ETV6: variants seen among roughly 807,000 people sequenced by gnomAD.
The protein encoded by ETV6 is ETS variant transcription factor 6.
ETV6 carries 16 observed loss-of-function variants against 51.1 expected under a neutral mutation model. That is an observed-to-expected ratio of 0.31 (90% CI 0.21 to 0.48). The LOEUF (loss-of-function observed/expected upper bound fraction) is 0.48, where lower values mean the gene tolerates loss of function less well. ETV6 is among the 20% of genes least tolerant of loss of function. ETV6 has a pLI of 0.99. For missense variants in ETV6, 458 were observed against 594.8 expected, an observed-to-expected ratio of 0.77 and a Z score of 2.39; for synonymous variants, 240 against 224.1, an observed-to-expected ratio of 1.07 and a Z score of -0.64.
At chr12:11,799,067 G>A (rs796102708) in intron 2 of ETV6, among the ~76,000 whole-genome samples, 36 of 152,330 alleles carry the variant, frequency 2.4e-4, no homozygotes, top group African/African-American at 7.9e-4. Context: ...TTCCTGTGGA[G>A]GAGTGCATTG....
At chr12:11,842,407 T>TACACACACACACACACACAC (rs6144615) in intron 3 of ETV6, among the ~76,000 whole-genome samples, 40 of 147,952 alleles carry the variant, frequency 2.7e-4, no homozygotes, top group South Asian at 1.3e-3. Flanking sequence ...TTGACACAGA[T>TACACACACACACACACACAC]ACACACACAC....
chr12:11,768,127 C>CTT (rs111944987), intron 2 of ETV6, among the ~76,000 whole-genome samples: 3 of 146,196 alleles, frequency 2.1e-5, no homozygotes, highest in South Asian at 2.2e-4. Flanking sequence ...TAATTTGATT[C>CTT]TTTTTTTTTT....
At chr12:11,827,833 G>A (rs1946181807) in intron 2 of ETV6, among the ~76,000 whole-genome samples, 1 of 152,174 alleles carries the variant, frequency 6.6e-6, no homozygotes, top group South Asian at 2.1e-4. Flanking sequence ...TCCGTGTGCG[G>A]TTTAAAAGAG....
intron 2 of ETV6, among the ~76,000 whole-genome samples, chr12:11,773,617 G>A (rs925043161): frequency 1.3e-5 from 2 of 152,246 alleles, no homozygotes; most frequent in Admixed American, 1.3e-4. Context: ...CCATGGCTCA[G>A]TCCAAGGTGT....
At chr12:11,729,768 C>A (rs1246404451) in intron 1 of ETV6, among the ~76,000 whole-genome samples, 1 of 152,200 alleles carries the variant, frequency 6.6e-6, no homozygotes, top group African/African-American at 2.4e-5. Flanking sequence ...CTCAACAAAA[C>A]AACCGTATCT....
At chr12:11,859,847 G>A (rs1158195358) in intron 4 of ETV6, among the ~76,000 whole-genome samples, 3 of 152,234 alleles carry the variant, frequency 2.0e-5, no homozygotes, top group Admixed American at 6.5e-5. Flanking sequence ...GGGCTACAGT[G>A]TGTGGCAGGT....
chr12:11,779,231 G>A (rs1945377569), intron 2 of ETV6, among the ~76,000 whole-genome samples: 1 of 152,152 alleles, frequency 6.6e-6, no homozygotes. Context: ...TTTTAGAAAT[G>A]ATTTGCTCTT....
chr12:11,878,175 G>A (rs988620136), intron 5 of ETV6, among the ~76,000 whole-genome samples: 15 of 152,332 alleles, frequency 9.8e-5, no homozygotes, highest in Admixed American at 9.1e-4. Flanking sequence ...CATCACTCCA[G>A]CAGGAATATT....
chr12:11,675,784 A>T (rs1457945537), intron 1 of ETV6, among the ~76,000 whole-genome samples: 1 of 152,078 alleles, frequency 6.6e-6, no homozygotes, highest in East Asian at 1.9e-4. Context: ...ACTGTACTTC[A>T]CGCTGGGCAA....
chr12:11,651,304 T>A (rs1174415105), intron 1 of ETV6, among the ~76,000 whole-genome samples: 1 of 152,092 alleles, frequency 6.6e-6, no homozygotes, highest in Non-Finnish European at 1.5e-5. Context: ...CTGTGGGGAG[T>A]TAGAAAAACC....
chr12:11,831,536 T>A (rs1946246093), intron 2 of ETV6, among the ~76,000 whole-genome samples: 1 of 152,204 alleles, frequency 6.6e-6, no homozygotes, highest in Non-Finnish European at 1.5e-5. Flanking sequence ...TTAAATAGTT[T>A]TTTAAATATA....
intron 1 of ETV6, among the ~76,000 whole-genome samples, chr12:11,747,079 G>C (rs187080088): frequency 2.0e-5 from 3 of 152,256 alleles, no homozygotes; most frequent in East Asian, 3.9e-4. Context: ...GCAACATTGA[G>C]TTTGGTTTGT....
chr12:11,801,819 G>T (rs575164530), intron 2 of ETV6, among the ~76,000 whole-genome samples: 2 of 152,334 alleles, frequency 1.3e-5, no homozygotes, highest in African/African-American at 2.4e-5. Context: ...GCCAGGAGAT[G>T]AAAGCCAGCA....
chr12:11,699,893 G>A (rs1864946781), intron 1 of ETV6, among the ~76,000 whole-genome samples: 1 of 152,168 alleles, frequency 6.6e-6, no homozygotes, highest in South Asian at 2.1e-4. Context: ...TCATTAAACT[G>A]TTATGAATTT....
At chr12:11,832,104 G>A (rs191348161) in intron 2 of ETV6, among the ~76,000 whole-genome samples, 2 of 152,314 alleles carry the variant, frequency 1.3e-5, no homozygotes, top group East Asian at 1.9e-4. Context: ...ATTTTAAAAC[G>A]TAAGTGAGCT....
intron 2 of ETV6, among the ~76,000 whole-genome samples, chr12:11,822,564 T>C (rs1383728752): frequency 3.0e-4 from 45 of 150,870 alleles, no homozygotes; most frequent in Admixed American, 3.0e-3. Context: ...AATGTCCTGC[T>C]GCGGGCTTGC....
At chr12:11,724,373 C>T (rs1865449985) in intron 1 of ETV6, among the ~76,000 whole-genome samples, 1 of 152,194 alleles carries the variant, frequency 6.6e-6, no homozygotes, top group African/African-American at 2.4e-5. Context: ...GAGCCGATCA[C>T]GTGGAGTGGG....
At chr12:11,665,317 G>A (rs1289390958) in intron 1 of ETV6, among the ~76,000 whole-genome samples, 1 of 152,216 alleles carries the variant, frequency 6.6e-6, no homozygotes, top group East Asian at 1.9e-4. Context: ...AAACATTTAT[G>A]CCTGGAATCT....
At chr12:11,890,183 T>C (rs976221202) in intron 7 of ETV6, among the ~76,000 whole-genome samples, 6 of 151,712 alleles carry the variant, frequency 4.0e-5, no homozygotes, top group African/African-American at 1.2e-4. Flanking sequence ...AGTTGTCCTA[T>C]TGTCAGCATT....
Sources: gnomAD v4.1 joint callset for allele counts (sites outside exome capture counted in the v4.1 genomes callset) on GRCh38, gnomAD v4.1.1 for gene constraint, MANE v1.5 for transcripts, NCBI Gene and HGNC (gene_info 2026-07-23, HGNC 2026-07-21) for gene names.